The following CDC42BPG variants were observed in gnomAD, a reference collection of about 807,000 sequenced individuals.
CDC42BPG encodes the protein serine/threonine-protein kinase MRCK gamma.
CDC42BPG carries 157 observed loss-of-function variants against 192.2 expected under a neutral mutation model. The ratio of observed to expected loss-of-function variants is 0.82; its 90% CI spans 0.72 to 0.93. The LOEUF (loss-of-function observed/expected upper bound fraction) is 0.93, where lower values mean the gene tolerates loss of function less well. Among genes scored for constraint, CDC42BPG ranks in the 40% least tolerant of loss-of-function variants. The pLI, the probability that CDC42BPG is intolerant of heterozygous loss-of-function variation, is 0.00. For missense variants in CDC42BPG, 1,992 were observed against 2,122.1 expected (o/e 0.94, Z 1.20); for synonymous variants, 981 against 918.5 (o/e 1.07, Z -1.23).
At position 64,833,333 on chromosome 11, in the gene CDC42BPG, C is replaced by G; in HGVS notation, c.2629G>C (p.Gly877Arg). The G allele has an allele frequency of 6.7e-7, 1 of 1,501,198 alleles. No homozygotes were observed. The highest frequency in any genetic ancestry group is 9.0e-7 in the Non-Finnish European group (1 of 1,115,738). 93.0% of individuals were successfully genotyped at this position (1,501,198 alleles called of 1,614,324 possible). The change falls in exon 24 of 37, where the codon GGC becomes CGC. Residue 877 changes from glycine to arginine, a missense_variant. Transcript: ENST00000342711. ...ASTEGLPAKPGSHTLRPRSFP... is the reference protein window; with the variant it reads ...ASTEGLPAKPRSHTLRPRSFP... ...CTCCGGGGGCGCAGCGTGTGTGAGC[C>G]GGGCTGGGGAGGGGGACAGCCATTA...
intron 10 of CDC42BPG, 50 bp from the exon 11 acceptor site, chr11:64,836,869 G>A: frequency 6.2e-7 from 1 of 1,609,720 alleles, no homozygotes; most frequent in Non-Finnish European, 8.5e-7. Flanking sequence ...CATTCCCGCA[G>A]CAGCAGCCCC....
Position 64,834,889 on chromosome 11 carries a change from A to C in CDC42BPG, c.2135T>G (p.Leu712Trp). 1 of 1,613,914 alleles carries C rather than the reference A, an allele frequency of 6.2e-7. No homozygotes were observed. The highest frequency in any genetic ancestry group is 8.5e-7 in the Non-Finnish European group (1 of 1,179,982). ...GAGCGTCTGGGTGCCTACGTTCCTC[A>C]AGGACTCCAGCTCCTCTGCCATCTT... ...ATKMAEELES[L>W]RNVGTQTLPA... Residue 712 changes from leucine to tryptophan, a missense_variant, in exon 18 of 37, where the codon TTG becomes TGG. Physicochemically the swap from Leu to Trp is moderately conservative, Grantham distance 61 (BLOSUM62 -2). Around this residue, in one of 2 missense-constraint regions of CDC42BPG, gnomAD observed 1,656 missense variants for 1,844.3 expected, o/e 0.90. Coordinates refer to ENST00000342711, the MANE Select transcript of CDC42BPG (RefSeq NM_017525.3).
Position 64,836,721 on chromosome 11 carries a change from G to GC in CDC42BPG, c.1384+17_1384+18insG. On this transcript the variant is annotated intron_variant, in intron 11 of 36. Coordinates refer to ENST00000342711, the MANE Select transcript of CDC42BPG (RefSeq NM_017525.3). ...GACTCAGCCCTGGGGGGGGGGGGGG[G>GC]GTGGGCGGAAGGGATACCTGGCAGC... 3.5e-6 allele frequency: 3 copies of GC among 857,204 alleles called. No homozygotes were observed. The highest frequency in any genetic ancestry group is 1.8e-5 in the South Asian group (1 of 56,976). 53.1% of individuals were successfully genotyped at this position (857,204 alleles called of 1,614,324 possible).
chr11:64,831,851 A>G, intron 27 of CDC42BPG, 130 bp from the exon 28 acceptor site: 1 of 777,048 alleles, frequency 1.3e-6, no homozygotes, highest in Non-Finnish European at 2.1e-6. Context: ...TAGGCCAGAC[A>G]GGCAAACAGA....
Position 64,831,741 on chromosome 11 carries a change from C to A in CDC42BPG, c.3088-20G>T. On this transcript the variant is annotated intron_variant, in intron 27 of 36. Transcript: ENST00000342711. Reference sequence around the variant, plus strand: ...TGTCACCTGTGGGCAAGGACCCCAGCTGGAGGGCCGTGGACCAGAGCCATC... The same window carrying A: ...TGTCACCTGTGGGCAAGGACCCCAGATGGAGGGCCGTGGACCAGAGCCATC... The A allele has an allele frequency of 6.4e-7, 1 of 1,564,900 alleles. No individual in the cohort carries two copies. The highest frequency in any genetic ancestry group is 8.6e-7 in the Non-Finnish European group (1 of 1,158,902).
intron 30 of CDC42BPG, 24 bp downstream of exon 30, chr11:64,829,447 T>C (rs1254843667): frequency 2.5e-6 from 4 of 1,601,770 alleles, no homozygotes; most frequent in Non-Finnish European, 3.4e-6. Context: ...CTGGCCCCCC[T>C]GCCAAGCCCT....
At chr11:64,839,449 C>G (rs778437007) in intron 6 of CDC42BPG, 29 bp downstream of exon 6, 37 of 1,173,530 alleles carry the variant, frequency 3.2e-5, no homozygotes, top group Non-Finnish European at 2.2e-5. Flanking sequence ...CTTGTATCCC[C>G]TGCTCCCACT....
chr11:64,841,920 G>A lies in CDC42BPG; in HGVS notation c.161-16C>T, dbSNP rs369265380. On this transcript the variant is annotated splice_polypyrimidine_tract_variant and intron_variant, in intron 1 of 36. Coordinates refer to ENST00000342711, the MANE Select transcript of CDC42BPG (RefSeq NM_017525.3). ...AAGGGGCTGGCTGAGGGGACACAGG[G>A]CGGGACTCAGAGTGCAGGGAGGGAG... 33 of 1,574,552 alleles carry A rather than the reference G, an allele frequency of 2.1e-5. No homozygotes were observed. In the African/African-American group the frequency reaches 4.3e-4, roughly 21 times the overall value.
At position 64,826,742 on chromosome 11, in the gene CDC42BPG, TG is replaced by T; in HGVS notation, c.4441del (p.His1481ThrfsTer25). On this transcript the variant is annotated frameshift_variant, in exon 35 of 37. Coordinates refer to ENST00000342711, the MANE Select transcript of CDC42BPG (RefSeq NM_017525.3). LOFTEE classifies it high-confidence loss of function. ...VARGSGPQRPHSFSEALRRPA... is the reference protein window; with the variant it reads ...VARGSGPQRPXSFSEALRRPA... ...GCGCCGCAACGCCTCGGAGAAGCTG[TG>T]GGGCCGCTGTGGGCCGGAGCCGCGG... 6.5e-7 allele frequency: 1 copy of T among 1,544,358 alleles called. No homozygotes were observed.
rs1313846279 is a variant in CDC42BPG, at chr11:64,835,434, G to A, written c.1881-15C>T. ...TACCACTCGGCCTGGGGAGGAGAAGGCCAAGGCCGTGACTCACCGCCCAGG... is the reference window on the plus strand; with the variant it reads ...TACCACTCGGCCTGGGGAGGAGAAGACCAAGGCCGTGACTCACCGCCCAGG... On this transcript the variant is annotated splice_polypyrimidine_tract_variant and intron_variant, in intron 15 of 36. Coordinates refer to ENST00000342711, the MANE Select transcript of CDC42BPG (RefSeq NM_017525.3). 1.2e-6 allele frequency: 2 copies of A among 1,613,164 alleles called. No homozygotes were observed. Among genetic ancestry groups the A allele is most frequent in the Middle Eastern group, 1.6e-4 (1 of 6,062 alleles).
intron 5 of CDC42BPG, 36 bp downstream of exon 5, chr11:64,840,084 G>A (rs780325135): frequency 5.0e-6 from 8 of 1,588,910 alleles, no homozygotes; most frequent in Middle Eastern, 3.5e-4. Flanking sequence ...GGGCAGGGCA[G>A]CGGGGTTGGG....
At chr11:64,825,124 C>T (rs1280201768) in intron 36 of CDC42BPG, among the ~76,000 whole-genome samples, 3 of 152,058 alleles carry the variant, frequency 2.0e-5, no homozygotes, top group Non-Finnish European at 4.4e-5. Context: ...ACCATGTTGG[C>T]CAGGCTGGTC....
chr11:64,833,618 T>C lies in CDC42BPG; in HGVS notation c.2607A>G (p.Thr869=). The C allele has an allele frequency of 6.2e-7, 1 of 1,611,532 alleles. No homozygotes were observed. Among genetic ancestry groups the C allele is most frequent in the Non-Finnish European group, 8.5e-7 (1 of 1,179,206 alleles). Reference sequence around the variant, plus strand: ...CACTGACCTTAGCAGGAAGACCTTCTGTAGAGGCTGTGTTGGCAGTGGGTG... The same window carrying C: ...CACTGACCTTAGCAGGAAGACCTTCCGTAGAGGCTGTGTTGGCAGTGGGTG... ...PRAPTANTAS[T]EGLPAKPGSH... Residue 869 remains threonine, a synonymous_variant, in exon 23 of 37, where the codon ACA becomes ACG. Coordinates refer to ENST00000342711, the MANE Select transcript of CDC42BPG (RefSeq NM_017525.3).
intron 9 of CDC42BPG, 124 bp from the exon 10 acceptor site, chr11:64,837,143 C>A (rs1943058783): frequency 4.8e-6 from 4 of 836,136 alleles, no homozygotes; most frequent in Admixed American, 2.2e-5. Flanking sequence ...CCTCGGGAGA[C>A]CCCAGACTGG....
chr11:64,824,515 G>A lies in CDC42BPG; in HGVS notation c.4614C>T (p.Pro1538=). The change falls in exon 37 of 37, where the codon CCC becomes CCT. Residue 1538 remains proline (P), a synonymous_variant. Coordinates refer to ENST00000342711, the MANE Select transcript of CDC42BPG (RefSeq NM_017525.3). ...ATTCAGGGGATAGGGGGAGGCTTCG[G>A]GGCCGTTCTGAGACCTGCAGGAGAA... ...ATSLMQVSER[P]RSLPLSPELE... is the part of the protein sequence containing the mutation. 6.2e-7 allele frequency: 1 copy of A among 1,608,598 alleles called. No individual in the cohort carries two copies. Among genetic ancestry groups the A allele is most frequent in the South Asian group, 1.1e-5 (1 of 90,982 alleles).
rs377589823 is a variant in CDC42BPG at position 64,834,470 on chromosome 11, C to T, written c.2283G>A (p.Glu761=). 866 of 1,570,328 alleles carry T rather than the reference C, an allele frequency of 5.5e-4. 12 individuals carry two copies. Among genetic ancestry groups the T allele is most frequent in the Non-Finnish European group, 1.2e-4 (140 of 1,158,814 alleles). Residue 761 remains glutamate (E), a synonymous_variant, in exon 19 of 37, where the codon GAG becomes GAA. Transcript: ENST00000342711. ...GGGCCTCCTGCACCTGTGTCAGCCG[C>T]TCCTGCAGGCCCTGCTTGGCGCGGA... ...AEIRAKQGLQ[E]RLTQVQEAQL... is the part of the protein sequence containing the mutation.
chr11:64,836,466 C>T lies in CDC42BPG; in HGVS notation c.1449G>A (p.Gln483=). The change falls in exon 12 of 37, where the codon CAG becomes CAA. Residue 483 remains glutamine (Q), a synonymous_variant. Coordinates refer to ENST00000342711, the MANE Select transcript of CDC42BPG (RefSeq NM_017525.3). Reference sequence around the variant, plus strand: ...CAAGCTCCTGCCGTAGGTCACTGTCCTGACCTGGGCTACCAGCTGGGGGCC... The same window carrying T: ...CAAGCTCCTGCCGTAGGTCACTGTCTTGACCTGGGCTACCAGCTGGGGGCC... The part of the protein sequence containing the change: ...TDGPPAGSPG[Q]DSDLRQELDR... 1 of 1,613,356 alleles carries T rather than the reference C, an allele frequency of 6.2e-7. No individual in the cohort carries two copies. Among genetic ancestry groups the T allele is most frequent in the South Asian group, 1.1e-5 (1 of 91,078 alleles).
chr11:64,832,867 G>T lies in CDC42BPG; in HGVS notation c.2824C>A (p.Pro942Thr), dbSNP rs769462974. The T allele has an allele frequency of 2.6e-6, 4 of 1,567,900 alleles. No homozygotes were observed. Among genetic ancestry groups the T allele is most frequent in the Non-Finnish European group, 3.5e-6 (4 of 1,156,638 alleles). The change falls in exon 25 of 37, where the codon CCC (proline) becomes ACC (threonine). Residue 942 changes from proline (P) to threonine (T), a missense_variant. Pro to Thr is a conservative substitution (Grantham distance 38, BLOSUM62 -1). This residue lies in a region of CDC42BPG where 1,656 missense variants were observed against 1,844.3 expected (regional missense o/e 0.90). Transcript: ENST00000342711. ...TAGGCAGTGCCTGTGCCTGTTTCGG[G>T]GTGTACTCCCAGGGCTGTGCGGAGG... ...DLLRTALGVH[P>T]ETGTGTAYEG...
In CDC42BPG at chr11:64,836,101, C is replaced by T. The variant is rs907663329; in HGVS notation, c.1668+16G>A. On this transcript the variant is annotated intron_variant, in intron 13 of 36. Coordinates refer to ENST00000342711, the MANE Select transcript of CDC42BPG (RefSeq NM_017525.3). ...GCAGGGCCCAGGTGCTGTCCCTACC[C>T]ACCCTGGTCACTCACCTCCCTCTGG... The T allele has an allele frequency of 1.3e-6, 2 of 1,589,136 alleles. No homozygotes were observed. The highest frequency in any genetic ancestry group is 8.5e-7 in the Non-Finnish European group (1 of 1,169,922).
Sources: gnomAD v4.1 joint callset for allele counts (sites outside exome capture counted in the v4.1 genomes callset) on GRCh38, gnomAD v4.1.1 for gene constraint, gnomAD v4.1.1 regional missense constraint, MANE v1.5 for transcripts, NCBI Gene and HGNC (gene_info 2026-07-23, HGNC 2026-07-21) for gene names.